Variants in KIF13B observed in about 807,000 individuals in gnomAD.
The protein encoded by KIF13B is kinesin-like protein KIF13B.
In KIF13B, 127 loss-of-function variants were observed where a neutral mutation model predicts 222.0. The observed-to-expected ratio is 0.57, with a 90% CI of 0.50 to 0.66. The LOEUF (loss-of-function observed/expected upper bound fraction) is 0.66. KIF13B is among the 30% of genes least tolerant of loss of function. The pLI is 0.00. For synonymous variants in KIF13B, 976 were observed against 919.0 expected, an observed-to-expected ratio of 1.06 and a Z score of -1.12; for missense variants, 2,173 against 2,379.0, an observed-to-expected ratio of 0.91 and a Z score of 1.80.
chr8:29,116,380 G>A (rs1809597500), intron 31 of KIF13B, among the ~76,000 whole-genome samples: 2 of 152,118 alleles, frequency 1.3e-5, no homozygotes, highest in African/African-American at 4.8e-5. Flanking sequence ...GAGATGGAAG[G>A]ATCACCTGAG....
chr8:29,109,386 A>AGGAGAGAAGTCCCC, intron 34 of KIF13B, 48 bp downstream of exon 34: 1 of 1,383,630 alleles, frequency 7.2e-7, no homozygotes, highest in Non-Finnish European at 1.0e-6. Context: ...AAAAGAGGAG[A>AGGAGAGAAGTCCCC]GGAGAGAAGT....
At chr8:29,204,597 C>G (rs994600794) in intron 2 of KIF13B, among the ~76,000 whole-genome samples, 4 of 152,168 alleles carry the variant, frequency 2.6e-5, no homozygotes, top group African/African-American at 9.7e-5. Flanking sequence ...AATACTGACT[C>G]ATTTGTGGAG....
intron 38 of KIF13B, among the ~76,000 whole-genome samples, chr8:29,073,060 C>CAGGGGGACGAGGAGGGGTACGAGG (rs1294346156): frequency 0.02 from 2,463 of 121,028 alleles, 401 homozygotes; most frequent in Non-Finnish European, 0.024. Flanking sequence ...AGCAAGGCAG[C>CAGGGGGACGAGGAGGGGTACGAGG]AGGGGGACGA....
At chr8:29,099,030 T>C in intron 36 of KIF13B, 103 bp downstream of exon 36, 1 of 894,384 alleles carries the variant, frequency 1.1e-6, no homozygotes, top group East Asian at 2.4e-5. Flanking sequence ...TCGATGGACA[T>C]TATCTAGCAG....
intron 13 of KIF13B, among the ~76,000 whole-genome samples, chr8:29,157,383 C>T (rs190759964): frequency 6.4e-4 from 80 of 124,316 alleles, no homozygotes; most frequent in African/African-American, 2.2e-3. Context: ...AGTGAGACCT[C>T]GTCTCTACCA....
rs141506660 is a variant in KIF13B, at chr8:29,151,635, C to T, written c.1536-1252G>A. 5.3e-5 allele frequency among the ~76,000 whole-genome samples: 8 copies of T among 152,318 alleles called. No individual in the cohort carries two copies. The East Asian group carries it at 7.7e-4, about 15-fold the overall frequency. ...ATGGAACAAAGCCTGGATGACAGTACGTCTGTTTACATCACAGTTTGCTGA... is the reference window on the plus strand; with the variant it reads ...ATGGAACAAAGCCTGGATGACAGTATGTCTGTTTACATCACAGTTTGCTGA... On this transcript the variant is annotated intron_variant, in intron 14 of 39. Coordinates refer to ENST00000524189, the MANE Select transcript of KIF13B (RefSeq NM_015254.4).
chr8:29,133,813 A>C (rs183245780), intron 22 of KIF13B, among the ~76,000 whole-genome samples: 1 of 152,360 alleles, frequency 6.6e-6, no homozygotes, highest in Non-Finnish European at 1.5e-5. Context: ...TCTTTGGAGA[A>C]GAATATGCAT....
At chr8:29,243,257 G>A (rs1815861542) in intron 2 of KIF13B, among the ~76,000 whole-genome samples, 1 of 151,536 alleles carries the variant, frequency 6.6e-6, no homozygotes, top group Non-Finnish European at 1.5e-5. Context: ...TGAGTCAGGA[G>A]AATTGGTTGA....
rs1283891781 is a variant in KIF13B, at chr8:29,070,526, T to C, written c.5459A>G (p.Asn1820Ser). The C allele has an allele frequency of 1.9e-6, 3 of 1,610,700 alleles. No homozygotes were observed. The South Asian group carries it at 3.3e-5, about 18-fold the overall frequency. Residue 1820 changes from asparagine to serine, a missense_variant, in exon 40 of 40, where the codon AAC becomes AGC. Around this residue, in one of 2 missense-constraint regions of KIF13B, gnomAD observed 693 missense variants for 656.2 expected, o/e 1.06. Coordinates refer to ENST00000524189, the MANE Select transcript of KIF13B (RefSeq NM_015254.4). The surrounding 1 kb of genome is among the most constrained non-coding windows in gnomAD (Gnocchi z 4.1). ...KADRSHKNPE[N>S]RKSWAS ...GGCTCAGCTGGCCCAGGATTTCCGGTTCTCAGGGTTCTTGTGGCTCCTGTC... is the reference window on the plus strand; with the variant it reads ...GGCTCAGCTGGCCCAGGATTTCCGGCTCTCAGGGTTCTTGTGGCTCCTGTC...
chr8:29,109,683 G>C (rs145600202), intron 33 of KIF13B, among the ~76,000 whole-genome samples, 172 bp from the exon 34 acceptor site: 1 of 152,242 alleles, frequency 6.6e-6, no homozygotes, highest in Non-Finnish European at 1.5e-5. Context: ...CAGCACATGA[G>C]CTCCATAAAT....
intron 2 of KIF13B, among the ~76,000 whole-genome samples, chr8:29,197,358 A>AAAAC (rs1563779899): frequency 6.8e-6 from 1 of 147,910 alleles, no homozygotes; most frequent in Non-Finnish European, 1.5e-5. Context: ...AAAAAAAAAA[A>AAAAC]AAACTCAATA....
chr8:29,165,343 T>C lies in KIF13B; in HGVS notation c.1269+319A>G, dbSNP rs546533199. On this transcript the variant is annotated intron_variant, in intron 12 of 39. Coordinates refer to ENST00000524189, the MANE Select transcript of KIF13B (RefSeq NM_015254.4). ...GAGTAATTTTGTAATTTCAGGAAGT[T>C]CCTTAGGTCTCCAAAGCACTTAATA... 1.8e-3 allele frequency among the ~76,000 whole-genome samples: 273 copies of C among 152,294 alleles called. 5 individuals carry two copies. The highest frequency in any genetic ancestry group is 1.6e-3 in the Admixed American group (24 of 15,300).
At chr8:29,168,416 T>C (rs1233325337) in intron 10 of KIF13B, among the ~76,000 whole-genome samples, 1 of 152,232 alleles carries the variant, frequency 6.6e-6, no homozygotes, top group East Asian at 1.9e-4. Context: ...AGGCTGCCTA[T>C]GCAGGCGACC....
chr8:29,161,890 T>C (rs1335711089), intron 12 of KIF13B, among the ~76,000 whole-genome samples: 1 of 152,170 alleles, frequency 6.6e-6, no homozygotes, highest in Non-Finnish European at 1.5e-5. Context: ...TTATATACTG[T>C]TGTGTTCCCA....
At position 29,113,448 on chromosome 8, in the gene KIF13B, T is replaced by C; in HGVS notation, c.3930+15A>G. Reference sequence around the variant, plus strand: ...AGTGTTTATTTTTAGTAAATTTAAATTGTATATCCTTCACCTCTGGAATAT... The same window carrying C: ...AGTGTTTATTTTTAGTAAATTTAAACTGTATATCCTTCACCTCTGGAATAT... On this transcript the variant is annotated intron_variant, in intron 32 of 39. Coordinates refer to ENST00000524189, the MANE Select transcript of KIF13B (RefSeq NM_015254.4). 6.8e-7 allele frequency: 1 copy of C among 1,474,270 alleles called. No individual in the cohort carries two copies. The highest frequency in any genetic ancestry group is 9.3e-7 in the Non-Finnish European group (1 of 1,080,186). The allele number at this position is 1,474,270 out of a possible 1,614,324, so 91.3% of individuals were successfully genotyped here. A position where few individuals can be genotyped will look rare whatever the true frequency, so the allele number is the denominator to read the frequency against.
At chr8:29,138,811 TGA>T (rs1293066780) in intron 21 of KIF13B, among the ~76,000 whole-genome samples, 1 of 151,860 alleles carries the variant, frequency 6.6e-6, no homozygotes, top group Non-Finnish European at 1.5e-5. Context: ...AGCGAGCGAG[TGA>T]GAGAGCACGA....
intron 1 of KIF13B, among the ~76,000 whole-genome samples, chr8:29,249,443 A>C (rs1460977272): frequency 6.6e-6 from 1 of 151,612 alleles, no homozygotes; most frequent in African/African-American, 2.4e-5. Flanking sequence ...AAAAAAAAAA[A>C]AAAAAAAAAA....
Position 29,142,702 on chromosome 8 carries a change from GGTGGCAC to G in KIF13B, c.2188-406_2188-400del, listed in dbSNP as rs199897624. Among the ~76,000 whole-genome samples the G allele has an allele frequency of 2.4e-3, 364 of 152,174 alleles. 10 individuals are homozygous for G. In the East Asian group the frequency reaches 0.049, roughly 20 times the overall value. On this transcript the variant is annotated intron_variant, in intron 18 of 39. Coordinates refer to ENST00000524189, the MANE Select transcript of KIF13B (RefSeq NM_015254.4). ...AAAAATACAAAAATTAGCCGGGTGTGGTGGCACGTGCCTGTAATGCCAGCTACTTGGG... is the reference window on the plus strand; with the variant it reads ...AAAAATACAAAAATTAGCCGGGTGTGGTGCCTGTAATGCCAGCTACTTGGG...
intron 5 of KIF13B, among the ~76,000 whole-genome samples, chr8:29,186,893 C>T (rs1405534856): frequency 1.3e-5 from 2 of 149,992 alleles, no homozygotes; most frequent in Non-Finnish European, 3.0e-5. Context: ...TGCTTGAACC[C>T]GGGAGGCGGA....
Sources: allele counts gnomAD v4.1 joint callset (sites outside exome capture counted in the v4.1 genomes callset), GRCh38; gene constraint gnomAD v4.1.1; regional missense constraint gnomAD v4.1.1; non-coding constraint Gnocchi (gnomAD v3.1); transcripts MANE v1.5; gene names NCBI Gene and HGNC (gene_info 2026-07-23, HGNC 2026-07-21).